Variants in YRDC observed in about 807,000 individuals in gnomAD.
The protein encoded by YRDC is threonylcarbamoyl-AMP synthase.
A neutral mutation model predicts 21.5 loss-of-function variants in YRDC; 17 were observed. That is an observed-to-expected ratio of 0.79 (90% confidence interval 0.54 to 1.19). The LOEUF is 1.19. Among genes scored for constraint, YRDC ranks in the 50% most tolerant of loss-of-function variants. The pLI is 0.00. For missense variants in YRDC, 380 were observed against 397.1 expected, an observed-to-expected ratio of 0.96 and a Z score of 0.37; for synonymous variants, 193 against 176.7, an observed-to-expected ratio of 1.09 and a Z score of -0.73.
intron 1 of YRDC, 45 bp downstream of exon 1, chr1:37,807,747 T>C (rs1351392726): frequency 2.8e-6 from 4 of 1,433,404 alleles, no homozygotes; most frequent in East Asian, 2.8e-5. Flanking sequence ...CGGAAACCCC[T>C]CCCGCGGTGC....
At position 37,803,228 on chromosome 1, in the gene YRDC, C is replaced by G. The variant is rs184228046; in HGVS notation, c.*697G>C. 38 of 152,286 alleles carry G rather than the reference C, an allele frequency of 2.5e-4. No homozygotes were observed. Among genetic ancestry groups the G allele is most frequent in the African/African-American group, 9.1e-4 (38 of 41,550 alleles). The allele number at this position is 152,286 out of a possible 1,614,324, so 9.4% of individuals were successfully genotyped here. On this transcript the variant is annotated 3_prime_UTR_variant, in exon 5 of 5. Transcript: ENST00000373044. Reference sequence around the variant, plus strand: ...CTAAGCAGACATCCCACTATTACACCAAAAAGACTGCTCTCCCTGCGAGCA... The same window carrying G: ...CTAAGCAGACATCCCACTATTACACGAAAAAGACTGCTCTCCCTGCGAGCA...
intron 1 of YRDC, 109 bp from the exon 2 acceptor site, chr1:37,807,324 G>C (rs1271845889): frequency 2.9e-6 from 3 of 1,036,168 alleles, no homozygotes; most frequent in African/African-American, 3.2e-5. Flanking sequence ...TACAATGGGA[G>C]CCGCCTGTCT....
intron 1 of YRDC, chr1:37,807,546 TC>T: frequency 4.1e-6 from 3 of 733,348 alleles, no homozygotes; most frequent in Non-Finnish European, 6.3e-6. Flanking sequence ...CCCGGGGGCC[TC>T]CCCAATTAGC....
chr1:37,807,969 C>T lies in YRDC; in HGVS notation c.212G>A (p.Arg71Gln), dbSNP rs1230829614. 8.2e-7 allele frequency: 1 copy of T among 1,214,042 alleles called. No homozygotes were observed. The highest frequency in any genetic ancestry group is 1.0e-6 in the Non-Finnish European group (1 of 976,864). The allele number at this position is 1,214,042 out of a possible 1,614,324, so 75.2% of individuals were successfully genotyped here. The change falls in exon 1 of 5, where the codon CGG becomes CAG. Residue 71 changes from arginine to glutamine, a missense_variant. By Grantham distance (43) the Arg-to-Gln change is conservative (BLOSUM62 1). Transcript: ENST00000373044. Reference sequence around the variant, plus strand: ...GGCGCGCAGCTCGGCCACGGCGGCCCGCAGCGCCTCGGTCCAGCCGGCGCG... The same window carrying T: ...GGCGCGCAGCTCGGCCACGGCGGCCTGCAGCGCCTCGGTCCAGCCGGCGCG... Reference protein sequence around the residue: ...PERAGWTEALRAAVAELRAGA... With the variant: ...PERAGWTEALQAAVAELRAGA...
chr1:37,804,764 G>A (rs1027719298), intron 3 of YRDC, among the ~76,000 whole-genome samples: 6 of 152,132 alleles, frequency 3.9e-5, no homozygotes, highest in South Asian at 2.1e-4. Flanking sequence ...GCAGAGATAC[G>A]GGCTATAACT....
In YRDC at chr1:37,803,171, A is replaced by T. The variant is rs1420145933; in HGVS notation, c.*754T>A. The T allele has an allele frequency of 6.6e-6, 1 of 152,200 alleles. No homozygotes were observed. The highest frequency in any genetic ancestry group is 1.5e-5 in the Non-Finnish European group (1 of 68,036). The allele number at this position is 152,200 out of a possible 1,614,324, so 9.4% of individuals were successfully genotyped here. A position where few individuals can be genotyped will look rare whatever the true frequency, so the allele number is the denominator to read the frequency against. On this transcript the variant is annotated 3_prime_UTR_variant, in exon 5 of 5. Transcript: ENST00000373044. ...AAGGATAGTGGAGGTTTATTTCCCA[A>T]TATTCTTCCATTTGGACTGAACCCC...
intron 3 of YRDC, among the ~76,000 whole-genome samples, chr1:37,805,912 G>A (rs1646731649): frequency 1.3e-5 from 2 of 152,190 alleles, no homozygotes; most frequent in Admixed American, 6.5e-5. Context: ...CCTGATGCTG[G>A]ATACTATGTG....
In YRDC at chr1:37,803,944, G is replaced by A. The variant is rs767256114; in HGVS notation, c.821C>T (p.Ser274Leu). ...ILQQKYGLLP[S>L]HASYL ...AGAGTTTCACAGGTAGGACGCATGT[G>A]AGGGGAGCAGTCCGTACTTCTGTTG... The change falls in exon 5 of 5, where the codon TCA becomes TTA. Residue 274 changes from serine (S) to leucine (L), a missense_variant. Physicochemically the swap from Ser to Leu is moderately radical, Grantham distance 145 (BLOSUM62 -2). Around this residue, in one of 3 missense-constraint regions of YRDC, gnomAD observed 238 missense variants for 236.5 expected, o/e 1.01. Transcript: ENST00000373044. 1.2e-6 allele frequency: 2 copies of A among 1,614,154 alleles called. No homozygotes were observed. Among genetic ancestry groups the A allele is most frequent in the South Asian group, 2.2e-5 (2 of 91,072 alleles).
chr1:37,807,583 C>T (rs1258641593), intron 1 of YRDC: 1 of 996,282 alleles, frequency 1.0e-6, no homozygotes, highest in Non-Finnish European at 1.4e-6. Flanking sequence ...GAACAGGGTC[C>T]CTGCCTTTCT....
intron 3 of YRDC, among the ~76,000 whole-genome samples, chr1:37,805,942 G>A (rs961400657): frequency 4.6e-5 from 7 of 152,156 alleles, no homozygotes; most frequent in African/African-American, 1.2e-4. Flanking sequence ...GTGTCTGGCC[G>A]AGTCTGGGGA....
At chr1:37,807,587 C>G (rs1646748204) in intron 1 of YRDC, 1 of 1,028,728 alleles carries the variant, frequency 9.7e-7, no homozygotes, top group Non-Finnish European at 1.3e-6. Flanking sequence ...AGGGTCCCTG[C>G]CTTTCTCGTG....
chr1:37,807,205 C>T lies in YRDC; in HGVS notation c.400G>A (p.Val134Met). The T allele has an allele frequency of 6.2e-7, 1 of 1,614,008 alleles. No homozygotes were observed. Among genetic ancestry groups the T allele is most frequent in the Non-Finnish European group, 8.5e-7 (1 of 1,179,920 alleles). Residue 134 changes from valine (V) to methionine (M), a missense_variant, in exon 2 of 5, where the codon GTG becomes ATG. Physicochemically the swap from Val to Met is conservative, Grantham distance 21. Around this residue, in one of 3 missense-constraint regions of YRDC, gnomAD observed 238 missense variants for 236.5 expected, o/e 1.01. Transcript: ENST00000373044. Reference protein sequence around the residue: ...RVADVYRYCRVRVPEGLLKDL... With the variant: ...RVADVYRYCRMRVPEGLLKDL... Reference sequence around the variant, plus strand: ...TTCAGGAGCCCCTCAGGTACTCTCACACGGCAGTATCTGGGAAACACAGAA... The same window carrying T: ...TTCAGGAGCCCCTCAGGTACTCTCATACGGCAGTATCTGGGAAACACAGAA...
At position 37,806,995 on chromosome 1, in the gene YRDC, G is replaced by C. The variant is rs756779007; in HGVS notation, c.505-19C>G. 6.2e-7 allele frequency: 1 copy of C among 1,614,184 alleles called. No homozygotes were observed. The highest frequency in any genetic ancestry group is 2.2e-5 in the East Asian group (1 of 44,878). On this transcript the variant is annotated intron_variant, in intron 2 of 4. Transcript: ENST00000373044. ...CTACAAGCTGTAAGGCAAGGGGAAA[G>C]GGATCATGAGAAAGGTTGGAAGGGA... is the stretch of plus-strand genomic sequence containing the variant.
At chr1:37,807,712 C>A in intron 1 of YRDC, 80 bp downstream of exon 1, 2 of 1,371,438 alleles carry the variant, frequency 1.5e-6, no homozygotes, top group South Asian at 1.6e-5. Flanking sequence ...CCGCTCTCTG[C>A]GCCTCAGTCT....
chr1:37,807,756 G>A, intron 1 of YRDC, 36 bp downstream of exon 1: 2 of 1,451,822 alleles, frequency 1.4e-6, no homozygotes, highest in Non-Finnish European at 1.8e-6. Context: ...CTCCCGCGGT[G>A]CCGCCCCTAG....
chr1:37,804,059 C>A, intron 4 of YRDC, 62 bp from the exon 5 acceptor site: 1 of 1,595,396 alleles, frequency 6.3e-7, no homozygotes. Flanking sequence ...CCACCAGAGG[C>A]TGGTGAGCAG....
At position 37,807,103 on chromosome 1, in the gene YRDC, GC is replaced by G. The variant is rs1646743379; in HGVS notation, c.501del (p.Pro168LeufsTer3). On this transcript the variant is annotated frameshift_variant, in exon 2 of 5. Transcript: ENST00000373044. LOFTEE classifies it high-confidence loss of function. ...EELNKDLNPF[T>X]PLVGIRIPDH... ...ACACAAGAGAAAACTTGACTCACAGGCGTAAAAGGGTTTAGGTCCTTGTTGA... is the reference window on the plus strand; with the variant it reads ...ACACAAGAGAAAACTTGACTCACAGGGTAAAAGGGTTTAGGTCCTTGTTGA... 1 of 1,614,164 alleles carries G rather than the reference GC, an allele frequency of 6.2e-7. No individual in the cohort carries two copies. The highest frequency in any genetic ancestry group is 8.5e-7 in the Non-Finnish European group (1 of 1,180,034).
At chr1:37,805,303 A>C (rs912369523) in intron 3 of YRDC, among the ~76,000 whole-genome samples, 1 of 152,250 alleles carries the variant, frequency 6.6e-6, no homozygotes, top group South Asian at 2.1e-4. Context: ...CTGGTCACTT[A>C]ATGGCTGCGT....
chr1:37,803,949 G>A lies in YRDC; in HGVS notation c.816C>T (p.Leu272=), dbSNP rs1189480756. ...TTCACAGGTAGGACGCATGTGAGGG[G>A]AGCAGTCCGTACTTCTGTTGGAGGA... is the stretch of plus-strand genomic sequence containing the variant. ...TAILQQKYGL[L]PSHASYL Residue 272 remains leucine, a synonymous_variant, in exon 5 of 5, where the codon CTC becomes CTT. Coordinates refer to ENST00000373044, the MANE Select transcript of YRDC (RefSeq NM_024640.4). 6.2e-7 allele frequency: 1 copy of A among 1,614,142 alleles called. No individual in the cohort carries two copies. Among genetic ancestry groups the A allele is most frequent in the Non-Finnish European group, 8.5e-7 (1 of 1,180,030 alleles).
Sources: gnomAD v4.1 joint callset for allele counts (sites outside exome capture counted in the v4.1 genomes callset) on GRCh38, gnomAD v4.1.1 for gene constraint, gnomAD v4.1.1 regional missense constraint, MANE v1.5 for transcripts, NCBI Gene and HGNC (gene_info 2026-07-23, HGNC 2026-07-21) for gene names.